Variants in ST8SIA6 observed in about 807,000 individuals in gnomAD.
ST8SIA6 encodes the protein alpha-2,8-sialyltransferase 8F.
In ST8SIA6, 39 loss-of-function variants were observed where a neutral mutation model predicts 33.6. The observed-to-expected ratio is 1.16, with a 90% CI of 0.90 to 1.52. The LOEUF is 1.52. ST8SIA6 is among the 40% of genes most tolerant of loss of function. ST8SIA6 has a pLI of 0.00. For missense variants in ST8SIA6, 441 were observed against 443.8 expected (o/e 0.99, Z 0.06); for synonymous variants, 172 against 167.2 (o/e 1.03, Z -0.22).
Position 17,454,062 on chromosome 10 carries a change from C to T in ST8SIA6, c.101+93G>A. The T allele has an allele frequency of 8.3e-6, 2 of 240,560 alleles. No individual in the cohort carries two copies. 14.9% of individuals were successfully genotyped at this position (240,560 alleles called of 1,614,324 possible). Reference sequence around the variant, plus strand: ...GCTCCCCGCCGCGGCCAAAAGTCTCCGCGCCCGAGGGGAAGCGATGGGCGG... The same window carrying T: ...GCTCCCCGCCGCGGCCAAAAGTCTCTGCGCCCGAGGGGAAGCGATGGGCGG... On this transcript the variant is annotated intron_variant, in intron 1 of 7. Coordinates refer to ENST00000377602, the MANE Select transcript of ST8SIA6 (RefSeq NM_001004470.3). This position sits in a 1 kb window ranked among gnomAD's most constrained non-coding sequence, Gnocchi z 4.1.
chr10:17,325,210 AT>A (rs1175837139), intron 6 of ST8SIA6, among the ~76,000 whole-genome samples: 1 of 142,648 alleles, frequency 7.0e-6, no homozygotes, highest in African/African-American at 2.5e-5. Context: ...ATAATTACAT[AT>A]AATACTGTAT....
chr10:17,331,286 T>C, intron 5 of ST8SIA6, 122 bp downstream of exon 5: 1 of 1,274,570 alleles, frequency 7.8e-7, no homozygotes, highest in South Asian at 1.9e-5. Flanking sequence ...TGTCCAAATT[T>C]TATACAACAT....
intron 3 of ST8SIA6, among the ~76,000 whole-genome samples, chr10:17,384,498 G>T (rs568673527): frequency 4.6e-5 from 7 of 152,264 alleles, no homozygotes; most frequent in African/African-American, 1.7e-4. Flanking sequence ...ACTGGAGAGA[G>T]AAAAAAATTG....
chr10:17,393,096 T>A (rs934750873), intron 2 of ST8SIA6, among the ~76,000 whole-genome samples: 1 of 152,174 alleles, frequency 6.6e-6, no homozygotes, highest in Non-Finnish European at 1.5e-5. Context: ...CACTCTCTCT[T>A]CTTGAGCTGG....
intron 2 of ST8SIA6, among the ~76,000 whole-genome samples, chr10:17,412,996 A>G (rs955795419): frequency 6.6e-6 from 1 of 152,216 alleles, no homozygotes; most frequent in Non-Finnish European, 1.5e-5. Context: ...AAAAGTATGT[A>G]TGAATCAGTA....
At position 17,346,468 on chromosome 10, in the gene ST8SIA6, C is replaced by T. The variant is rs115747714; in HGVS notation, c.377+13046G>A. ...AATTAGCTGGGCTTGGTGGCATGCTCCTATAGTCCCAGCTACTCAGGAGGC... is the reference window on the plus strand; with the variant it reads ...AATTAGCTGGGCTTGGTGGCATGCTTCTATAGTCCCAGCTACTCAGGAGGC... On this transcript the variant is annotated intron_variant, in intron 4 of 7. Transcript: ENST00000377602. Among the ~76,000 whole-genome samples the T allele has an allele frequency of 8.7e-3, 1,330 of 152,236 alleles. 17 individuals carry two copies. Among genetic ancestry groups the T allele is most frequent in the African/African-American group, 0.03 (1,247 of 41,546 alleles).
Position 17,453,614 on chromosome 10 carries a change from CG to C in ST8SIA6, c.144del (p.Ala49GlnfsTer3), listed in dbSNP as rs1376602382. 7.5e-7 allele frequency: 1 copy of C among 1,329,842 alleles called. No individual in the cohort carries two copies. Among genetic ancestry groups the C allele is most frequent in the Non-Finnish European group, 9.7e-7 (1 of 1,032,342 alleles). The allele number at this position is 1,329,842 out of a possible 1,614,324, so 82.4% of individuals were successfully genotyped here. On this transcript the variant is annotated frameshift_variant, in exon 2 of 8. Transcript: ENST00000377602. LOFTEE classifies it high-confidence loss of function. Reference sequence around the variant, plus strand: ...GGGCTCCGGAGCGTCCTCAGCGCTGCGGGGGTGCCGTGGGTGGCCTCCCTGC... The same window carrying C: ...GGGCTCCGGAGCGTCCTCAGCGCTGCGGGGTGCCGTGGGTGGCCTCCCTGC... ...EESREATHGTPAALRTLRSPA... is the reference protein window; with the variant it reads ...EESREATHGTXAALRTLRSPA...
chr10:17,443,790 C>T (rs1366735214), intron 2 of ST8SIA6, among the ~76,000 whole-genome samples: 1 of 152,122 alleles, frequency 6.6e-6, no homozygotes, highest in African/African-American at 2.4e-5. Flanking sequence ...GCAAAGGAAG[C>T]TATAAAACAA....
At chr10:17,370,628 A>ATAT (rs1006158398) in intron 3 of ST8SIA6, among the ~76,000 whole-genome samples, 1 of 151,924 alleles carries the variant, frequency 6.6e-6, no homozygotes, top group African/African-American at 2.4e-5. Flanking sequence ...CTTAATTATG[A>ATAT]TATTATTATT....
intron 2 of ST8SIA6, 119 bp downstream of exon 2, chr10:17,453,440 C>G (rs1852993225): frequency 2.9e-6 from 2 of 680,090 alleles, no homozygotes; most frequent in Admixed American, 4.4e-5. Flanking sequence ...CACACTCTTA[C>G]ACTCACTCGC....
intron 2 of ST8SIA6, among the ~76,000 whole-genome samples, chr10:17,412,601 G>A (rs1348129798): frequency 6.6e-6 from 1 of 152,170 alleles, no homozygotes; most frequent in East Asian, 1.9e-4. Flanking sequence ...CTACATCAAT[G>A]GCTGCATCAC....
At chr10:17,424,605 C>T (rs1851876802) in intron 2 of ST8SIA6, among the ~76,000 whole-genome samples, 1 of 152,138 alleles carries the variant, frequency 6.6e-6, no homozygotes, top group Non-Finnish European at 1.5e-5. Flanking sequence ...GATATTTCGA[C>T]AGGTCTAATA....
intron 4 of ST8SIA6, among the ~76,000 whole-genome samples, chr10:17,350,133 C>G (rs543873120): frequency 6.6e-6 from 1 of 152,226 alleles, no homozygotes; most frequent in Non-Finnish European, 1.5e-5. Flanking sequence ...GGCCAAAGTC[C>G]GTAGTCCCTC....
chr10:17,324,679 AT>A (rs911905237), intron 6 of ST8SIA6, among the ~76,000 whole-genome samples: 6 of 146,100 alleles, frequency 4.1e-5, no homozygotes, highest in Non-Finnish European at 7.5e-5. Context: ...ACTTTTGCTG[AT>A]GCCAGGTATT....
chr10:17,444,354 C>T (rs1427707037), intron 2 of ST8SIA6, among the ~76,000 whole-genome samples: 1 of 152,174 alleles, frequency 6.6e-6, no homozygotes, highest in Non-Finnish European at 1.5e-5. Flanking sequence ...ACATCCCAGC[C>T]TCTTTGTTAA....
chr10:17,359,379 T>A, intron 4 of ST8SIA6, 135 bp downstream of exon 4: 1 of 593,502 alleles, frequency 1.7e-6, no homozygotes, highest in East Asian at 3.0e-5. Flanking sequence ...CATGAGAGGG[T>A]CTTAGAATTC....
At chr10:17,389,538 T>A (rs1165475928) in intron 3 of ST8SIA6, among the ~76,000 whole-genome samples, 1 of 152,174 alleles carries the variant, frequency 6.6e-6, no homozygotes, top group Non-Finnish European at 1.5e-5. Flanking sequence ...AGGCCACCAG[T>A]GCCTCTTCCA....
intron 3 of ST8SIA6, among the ~76,000 whole-genome samples, chr10:17,369,935 T>C (rs11254555): frequency 0.18 from 27,467 of 152,082 alleles, 2,623 homozygotes; most frequent in South Asian, 0.22. Flanking sequence ...CTAAAGTGTG[T>C]CTTCTGTAGA....
chr10:17,330,726 G>T (rs921035420), intron 5 of ST8SIA6, among the ~76,000 whole-genome samples: 2 of 152,130 alleles, frequency 1.3e-5, no homozygotes, highest in Non-Finnish European at 2.9e-5. Flanking sequence ...ATAGAAAGAC[G>T]CTGGAGAGTG....
Sources: allele counts gnomAD v4.1 joint callset (sites outside exome capture counted in the v4.1 genomes callset), GRCh38; gene constraint gnomAD v4.1.1; non-coding constraint Gnocchi (gnomAD v3.1); transcripts MANE v1.5; gene names NCBI Gene and HGNC (gene_info 2026-07-23, HGNC 2026-07-21).